Variants in CCDC7 observed in about 807,000 individuals in gnomAD.
The protein encoded by CCDC7 is coiled-coil domain-containing protein 7.
In CCDC7, 183 loss-of-function variants were observed where a neutral mutation model predicts 196.9. That is an observed-to-expected ratio of 0.93 (90% CI 0.82 to 1.05). CCDC7 has a LOEUF of 1.05. CCDC7 is among the 50% of genes least tolerant of loss of function. The pLI, the probability that CCDC7 is intolerant of heterozygous loss-of-function variation, is 0.00. For synonymous variants in CCDC7, 525 were observed against 484.6 expected (o/e 1.08, Z -1.10); for missense variants, 1,540 against 1,482.2 (o/e 1.04, Z -0.64).
chr10:32,486,045 A>G (rs2041008213), intron 8 of CCDC7, among the ~76,000 whole-genome samples: 1 of 151,986 alleles, frequency 6.6e-6, no homozygotes, highest in African/African-American at 2.4e-5. Flanking sequence ...CAATTCCTGG[A>G]TATCCTTGTT....
chr10:32,580,375 T>C (rs1023447903), intron 16 of CCDC7, among the ~76,000 whole-genome samples: 3 of 152,194 alleles, frequency 2.0e-5, no homozygotes, highest in African/African-American at 4.8e-5. Flanking sequence ...TTAGTCATCT[T>C]GGACTTTTAC....
At chr10:32,444,645 C>T (rs971305087), upstream of CCDC7, among the ~76,000 whole-genome samples, 50 of 152,270 alleles carry the variant, frequency 3.3e-4, no homozygotes, top group African/African-American at 1.2e-3. Flanking sequence ...TTTCCTATCC[C>T]TTTCATTTAC....
At chr10:32,648,664 C>T (rs2068185802) in intron 20 of CCDC7, among the ~76,000 whole-genome samples, 2 of 152,282 alleles carry the variant, frequency 1.3e-5, no homozygotes, top group South Asian at 2.1e-4. Context: ...TCCACAACCT[C>T]GCCAGCATCT....
chr10:32,623,697 A>C (rs1317242752), intron 18 of CCDC7: 1 of 467,344 alleles, frequency 2.1e-6, no homozygotes, highest in Non-Finnish European at 4.4e-6. Context: ...AAGAGGTCTT[A>C]TTTTGTCTCA....
intron 28 of CCDC7, among the ~76,000 whole-genome samples, chr10:32,778,482 A>G (rs772084924): frequency 3.3e-5 from 5 of 152,160 alleles, no homozygotes; most frequent in Non-Finnish European, 7.4e-5. Context: ...CAAAGATCAT[A>G]TGATTGTAGG....
chr10:32,831,322 C>T (rs2092138069), intron 32 of CCDC7, among the ~76,000 whole-genome samples: 1 of 152,124 alleles, frequency 6.6e-6, no homozygotes, highest in Non-Finnish European at 1.5e-5. Flanking sequence ...AGTGAGTGAG[C>T]AGTGAGTGAA....
At chr10:32,575,756 C>T (rs1345701771) in intron 16 of CCDC7, among the ~76,000 whole-genome samples, 2 of 152,140 alleles carry the variant, frequency 1.3e-5, no homozygotes, top group Non-Finnish European at 2.9e-5. Context: ...CGGGACCATC[C>T]GTAAATAAAG....
Position 32,689,170 on chromosome 10 carries a change from AT to A in CCDC7, c.2344+8del. On this transcript the variant is annotated splice_region_variant and intron_variant, in intron 23 of 41. Coordinates refer to ENST00000639629, the Ensembl canonical transcript of CCDC7. ...AAAGGGCAAAGAATTATTAGTAAGT[AT>A]AAAAAGTAAAGATAACTTTAAATTA... is the stretch of plus-strand genomic sequence containing the variant. 1.4e-6 allele frequency: 2 copies of A among 1,480,056 alleles called. No homozygotes were observed. The highest frequency in any genetic ancestry group is 1.9e-6 in the Non-Finnish European group (2 of 1,074,192). 91.7% of individuals were successfully genotyped at this position (1,480,056 alleles called of 1,614,324 possible). A position where few individuals can be genotyped will look rare whatever the true frequency, so the allele number is the denominator to read the frequency against.
chr10:32,551,968 G>C (rs541668522), intron 13 of CCDC7, among the ~76,000 whole-genome samples: 1 of 152,206 alleles, frequency 6.6e-6, no homozygotes, highest in East Asian at 1.9e-4. Context: ...TTTCTGTCTT[G>C]ATGGCCTGTC....
intron 32 of CCDC7, among the ~76,000 whole-genome samples, chr10:32,832,826 G>A (rs543657679): frequency 2.0e-5 from 3 of 151,652 alleles, no homozygotes; most frequent in African/African-American, 7.3e-5. Flanking sequence ...TAATTGTGTG[G>A]TACCATATAT....
chr10:32,583,190 A>C (rs1406039812), exon 17 of CCDC7: 30 of 1,231,444 alleles, frequency 2.4e-5, no homozygotes, highest in Non-Finnish European at 2.9e-5. Context: ...AATCACTTAC[A>C]ACAGTATCAT....
At chr10:32,708,422 A>G (rs1393387503) in intron 24 of CCDC7, among the ~76,000 whole-genome samples, 1 of 152,234 alleles carries the variant, frequency 6.6e-6, no homozygotes, top group Non-Finnish European at 1.5e-5. Flanking sequence ...CAAAAACTTC[A>G]TGACTAGAAC....
intron 41 of CCDC7, among the ~76,000 whole-genome samples, chr10:32,868,257 T>C (rs1428145475): frequency 1.3e-5 from 2 of 152,012 alleles, no homozygotes; most frequent in Non-Finnish European, 2.9e-5. Context: ...CCTGTTCTAC[T>C]CTTTTGGGTA....
At chr10:32,800,594 G>T (rs1459388703) in intron 29 of CCDC7, among the ~76,000 whole-genome samples, 2 of 152,172 alleles carry the variant, frequency 1.3e-5, no homozygotes, top group Non-Finnish European at 2.9e-5. Flanking sequence ...GTCCCTGAAA[G>T]GTCTGATTAT....
intron 15 of CCDC7, 114 bp downstream of exon 16, chr10:32,568,005 G>GTTT: frequency 1.1e-5 from 8 of 706,648 alleles, no homozygotes; most frequent in Non-Finnish European, 1.5e-5. Flanking sequence ...TCTGTTTTTG[G>GTTT]GTTTTTTTTT....
chr10:32,587,708 A>G (rs1423851105), intron 18 of CCDC7, among the ~76,000 whole-genome samples: 2 of 152,196 alleles, frequency 1.3e-5, no homozygotes, highest in East Asian at 3.8e-4. Context: ...GTGAATAAAG[A>G]TAGTTTTACT....
At chr10:32,473,517 C>A (rs934104704) in intron 7 of CCDC7, among the ~76,000 whole-genome samples, 2 of 151,990 alleles carry the variant, frequency 1.3e-5, no homozygotes, top group African/African-American at 4.8e-5. Flanking sequence ...AAGTTTTTTC[C>A]TGATTGCACT....
chr10:32,614,751 C>T (rs995353064), intron 18 of CCDC7, among the ~76,000 whole-genome samples: 16 of 152,166 alleles, frequency 1.1e-4, no homozygotes, highest in African/African-American at 3.9e-4. Flanking sequence ...TGGAACCACC[C>T]ACCTTCTGCC....
chr10:32,696,836 T>A (rs1267107636), intron 24 of CCDC7, among the ~76,000 whole-genome samples: 1 of 152,204 alleles, frequency 6.6e-6, no homozygotes, highest in African/African-American at 2.4e-5. Context: ...AGTTGCTTCT[T>A]CCATGCTGAG....
Sources: allele counts gnomAD v4.1 joint callset (sites outside exome capture counted in the v4.1 genomes callset), GRCh38; gene constraint gnomAD v4.1.1; transcripts MANE v1.5; gene names NCBI Gene and HGNC (gene_info 2026-07-23, HGNC 2026-07-21).